Variants in RIMS2 observed in about 807,000 individuals in gnomAD.
The protein encoded by RIMS2 is regulating synaptic membrane exocytosis protein 2.
A neutral mutation model predicts 174.4 loss-of-function variants in RIMS2; 59 were observed. The ratio of observed to expected loss-of-function variants is 0.34; its 90% confidence interval spans 0.27 to 0.42. RIMS2 has a LOEUF of 0.42. RIMS2 is among the 10% of genes least tolerant of loss of function. The probability of loss-of-function intolerance (pLI) is 1.00; values close to 1 mark genes in which losing one functional copy is unlikely to be tolerated. For synonymous variants in RIMS2, 606 were observed against 572.5 expected, an observed-to-expected ratio of 1.06 and a Z score of -0.84; for missense variants, 1,620 against 1,666.3, an observed-to-expected ratio of 0.97 and a Z score of 0.48.
intron 19 of RIMS2, among the ~76,000 whole-genome samples, chr8:104,084,298 G>A (rs532653542): frequency 3.3e-5 from 5 of 151,930 alleles, no homozygotes; most frequent in Admixed American, 6.5e-5. Context: ...AAAATTAGCC[G>A]GGTGTGGTGG....
At chr8:103,894,196 A>G (rs889056314) in intron 4 of RIMS2, among the ~76,000 whole-genome samples, 1 of 150,824 alleles carries the variant, frequency 6.6e-6, no homozygotes, top group Non-Finnish European at 1.5e-5. Context: ...AGTTATTTCA[A>G]CAATTAATGT....
chr8:104,072,023 A>G (rs2097205446), intron 19 of RIMS2, among the ~76,000 whole-genome samples: 1 of 152,174 alleles, frequency 6.6e-6, no homozygotes, highest in Non-Finnish European at 1.5e-5. Context: ...AGGATTATGC[A>G]GGCAGCTTAC....
Position 103,912,041 on chromosome 8 carries a change from G to A in RIMS2, c.1693-12G>A. 6.5e-7 allele frequency: 1 copy of A among 1,527,660 alleles called. No homozygotes were observed. The highest frequency in any genetic ancestry group is 1.3e-5 in the South Asian group (1 of 76,334). The allele number at this position is 1,527,660 out of a possible 1,614,324, so 94.6% of individuals were successfully genotyped here. A position where few individuals can be genotyped will look rare whatever the true frequency, so the allele number is the denominator to read the frequency against. ...GTATTTATTTATTTTGTTTGTTGAT[G>A]CAAAATGTCAGCACCCTGTAACCTG... On this transcript the variant is annotated splice_polypyrimidine_tract_variant and intron_variant, in intron 5 of 23. Coordinates refer to ENST00000504942, the Ensembl canonical transcript of RIMS2.
At chr8:104,136,476 T>C (rs953082302) in intron 19 of RIMS2, among the ~76,000 whole-genome samples, 2 of 152,220 alleles carry the variant, frequency 1.3e-5, no homozygotes, top group African/African-American at 4.8e-5. Flanking sequence ...AGTGTATAAC[T>C]TTCAATTTAG....
intron 19 of RIMS2, among the ~76,000 whole-genome samples, chr8:104,235,854 G>A (rs761683751): frequency 2.4e-4 from 37 of 151,898 alleles, no homozygotes; most frequent in Admixed American, 1.8e-3. Flanking sequence ...TATTCATTCC[G>A]TATCCAATTT....
At chr8:103,596,011 G>C (rs1226230378) in intron 1 of RIMS2, among the ~76,000 whole-genome samples, 1 of 151,732 alleles carries the variant, frequency 6.6e-6, no homozygotes, top group Non-Finnish European at 1.5e-5. Context: ...TGGATTGTAG[G>C]GCATTTATAC....
At chr8:104,171,481 A>T (rs1390952576) in intron 19 of RIMS2, among the ~76,000 whole-genome samples, 1 of 141,542 alleles carries the variant, frequency 7.1e-6, no homozygotes, top group Non-Finnish European at 1.5e-5. Flanking sequence ...TATATCCAGA[A>T]GTTCTGATTG....
At chr8:103,550,665 G>A (rs2131575080) in intron 1 of RIMS2, among the ~76,000 whole-genome samples, 1 of 152,184 alleles carries the variant, frequency 6.6e-6, no homozygotes, top group Middle Eastern at 3.4e-3. Flanking sequence ...AATGTATCTA[G>A]GAGCTGGTTT....
At chr8:103,707,279 TATTTAGTAAATTTGGTGAA>T (rs1385212675) in intron 2 of RIMS2, among the ~76,000 whole-genome samples, 3 of 152,224 alleles carry the variant, frequency 2.0e-5, no homozygotes, top group African/African-American at 7.2e-5. Flanking sequence ...ACTGGGAACT[TATTTAGTAAATTTGGTGAA>T]GTCATATGTT....
intron 2 of RIMS2, among the ~76,000 whole-genome samples, chr8:103,708,234 T>A (rs2097258025): frequency 6.6e-6 from 1 of 152,202 alleles, no homozygotes; most frequent in African/African-American, 2.4e-5. Flanking sequence ...TGTGGTGAAG[T>A]GGACCGGGAT....
intron 3 of RIMS2, among the ~76,000 whole-genome samples, chr8:103,809,809 A>G (rs898143978): frequency 6.6e-6 from 1 of 152,118 alleles, no homozygotes; most frequent in Admixed American, 6.6e-5. Flanking sequence ...GGCATATTTG[A>G]AATGCCTGGG....
At chr8:103,514,854 C>A (rs928325560) in intron 1 of RIMS2, among the ~76,000 whole-genome samples, 1 of 151,440 alleles carries the variant, frequency 6.6e-6, no homozygotes, top group African/African-American at 2.4e-5. Context: ...GCTGAGATGG[C>A]GCCACTGCAC....
intron 17 of RIMS2, 111 bp downstream of exon 19, chr8:103,989,532 A>G: frequency 3.4e-6 from 2 of 586,996 alleles, no homozygotes; most frequent in South Asian, 2.6e-5. Flanking sequence ...TTCTGAAACA[A>G]TGTTTTTCTC....
chr8:103,875,549 C>T (rs935672891), intron 3 of RIMS2, among the ~76,000 whole-genome samples: 1 of 151,910 alleles, frequency 6.6e-6, no homozygotes, highest in East Asian at 1.9e-4. Context: ...TCTTTGCCAT[C>T]GTAAATTGTA....
chr8:104,213,428 T>C (rs2099114336), intron 19 of RIMS2, among the ~76,000 whole-genome samples: 1 of 152,218 alleles, frequency 6.6e-6, no homozygotes, highest in African/African-American at 2.4e-5. Flanking sequence ...TATGAGTTAA[T>C]TTTTGTGATT....
At chr8:104,099,968 C>T (rs2097842483) in intron 19 of RIMS2, among the ~76,000 whole-genome samples, 2 of 151,796 alleles carry the variant, frequency 1.3e-5, no homozygotes, top group Admixed American at 1.3e-4. Context: ...CAGGGTCACG[C>T]CATCACACCC....
intron 1 of RIMS2, among the ~76,000 whole-genome samples, chr8:103,612,382 T>G (rs1272028568): frequency 6.6e-6 from 1 of 152,138 alleles, no homozygotes; most frequent in Non-Finnish European, 1.5e-5. Context: ...AAGAGTTAGG[T>G]ATTTATTGTA....
At chr8:104,217,275 TTTGTTTTTTTTGAGACAGGGTCCTGC>T (rs753648247) in intron 19 of RIMS2, among the ~76,000 whole-genome samples, 5 of 132,278 alleles carry the variant, frequency 3.8e-5, no homozygotes, top group Admixed American at 7.4e-5. Flanking sequence ...TTTTTGTTTT[TTTGTTTTTTTTGAGACAGGGTCCTGC>T]TTTGTTACCC....
chr8:104,135,344 C>A (rs1040938877), intron 19 of RIMS2, among the ~76,000 whole-genome samples: 1 of 151,920 alleles, frequency 6.6e-6, no homozygotes, highest in Non-Finnish European at 1.5e-5. Context: ...TGCCTGTAAT[C>A]CCAGCACTTT....
Sources: gnomAD v4.1 joint callset for allele counts (sites outside exome capture counted in the v4.1 genomes callset) on GRCh38, gnomAD v4.1.1 for gene constraint, MANE v1.5 for transcripts, NCBI Gene and HGNC (gene_info 2026-07-23, HGNC 2026-07-21) for gene names.